Variants in COL4A1 observed in about 807,000 individuals in gnomAD.
The protein encoded by COL4A1 is collagen alpha-1(IV) chain.
In COL4A1, 40 loss-of-function variants were observed where a neutral mutation model predicts 216.6. The observed-to-expected ratio is 0.18, with a 90% CI of 0.14 to 0.24. The LOEUF (loss-of-function observed/expected upper bound fraction) is 0.24. Ranked by LOEUF, COL4A1 falls within the 10% of genes least tolerant of loss-of-function variation. The probability of loss-of-function intolerance (pLI) is 1.00; values close to 1 mark genes in which losing one functional copy is unlikely to be tolerated. For synonymous variants in COL4A1, 839 were observed against 810.7 expected, an observed-to-expected ratio of 1.03 and a Z score of -0.59; for missense variants, 1,628 against 2,196.8, an observed-to-expected ratio of 0.74 and a Z score of 5.18.
chr13:110,245,814 C>T (rs1881780728), intron 1 of COL4A1, among the ~76,000 whole-genome samples: 1 of 152,112 alleles, frequency 6.6e-6, no homozygotes, highest in African/African-American at 2.4e-5. Flanking sequence ...CCAGCCGGTG[C>T]CGGTGACAGG....
intron 1 of COL4A1, among the ~76,000 whole-genome samples, 164 bp downstream of exon 1, chr13:110,306,780 G>A (rs1430390611): frequency 6.6e-6 from 1 of 152,220 alleles, no homozygotes; most frequent in Non-Finnish European, 1.5e-5. Context: ...CGCGATCGTA[G>A]CCTACAGGGA....
intron 1 of COL4A1, among the ~76,000 whole-genome samples, chr13:110,304,540 G>T (rs1884610690): frequency 6.6e-6 from 1 of 152,200 alleles, no homozygotes; most frequent in Non-Finnish European, 1.5e-5. Context: ...AGTAGAGGGT[G>T]CTCACAATCA....
intron 23 of COL4A1, 92 bp from the exon 24 acceptor site, chr13:110,192,376 G>A: frequency 1.8e-6 from 2 of 1,142,742 alleles, no homozygotes; most frequent in South Asian, 1.3e-5. Context: ...ATAAAAATCT[G>A]TATAGGAAGT....
intron 46 of COL4A1, among the ~76,000 whole-genome samples, 190 bp from the exon 47 acceptor site, chr13:110,163,751 A>G (rs954274402): frequency 6.6e-6 from 1 of 152,012 alleles, no homozygotes; most frequent in Non-Finnish European, 1.5e-5. Flanking sequence ...AAGCAGCTGG[A>G]TATTCATAAG....
intron 40 of COL4A1, 74 bp from the exon 41 acceptor site, chr13:110,172,844 A>G (rs936715826): frequency 6.7e-6 from 8 of 1,200,544 alleles, no homozygotes; most frequent in Non-Finnish European, 1.0e-5. Context: ...ACAAAGCACT[A>G]TCAACTCTGC....
At chr13:110,196,823 G>A (rs564721183) in intron 21 of COL4A1, among the ~76,000 whole-genome samples, 8 of 152,320 alleles carry the variant, frequency 5.3e-5, no homozygotes, top group Non-Finnish European at 8.8e-5. Context: ...GCTGCATTGT[G>A]TGGTTAATGC....
intron 1 of COL4A1, among the ~76,000 whole-genome samples, chr13:110,257,938 A>T (rs1882651438): frequency 6.6e-6 from 1 of 152,274 alleles, no homozygotes. Flanking sequence ...TACATAAAAT[A>T]TGGAAAATAT....
At chr13:110,242,793 G>T in intron 1 of COL4A1, 59 bp from the exon 2 acceptor site, 1 of 1,566,868 alleles carries the variant, frequency 6.4e-7, no homozygotes, top group Non-Finnish European at 8.8e-7. Flanking sequence ...AGGGCACTAT[G>T]CAAATGGAGA....
At chr13:110,221,542 C>CA (rs986854898) in intron 2 of COL4A1, among the ~76,000 whole-genome samples, 5 of 151,698 alleles carry the variant, frequency 3.3e-5, no homozygotes, top group South Asian at 4.2e-4. Context: ...TACTGGCAGC[C>CA]AAAAAAAATC....
chr13:110,154,209 G>A (rs1431631597), intron 50 of COL4A1, among the ~76,000 whole-genome samples: 1 of 152,188 alleles, frequency 6.6e-6, no homozygotes, highest in Non-Finnish European at 1.5e-5. Context: ...ACTGGGAATT[G>A]GCAAATTCCG....
At chr13:110,236,706 G>A (rs1045493194) in intron 2 of COL4A1, among the ~76,000 whole-genome samples, 18 of 152,324 alleles carry the variant, frequency 1.2e-4, no homozygotes, top group African/African-American at 3.6e-4. Context: ...CAGGATTTCC[G>A]AAAGGCAGGG....
intron 2 of COL4A1, among the ~76,000 whole-genome samples, chr13:110,241,255 C>G (rs1269663536): frequency 6.6e-6 from 1 of 152,164 alleles, no homozygotes; most frequent in Non-Finnish European, 1.5e-5. Flanking sequence ...CAAGGCCTGC[C>G]GGCTGGACAG....
intron 49 of COL4A1, 142 bp from the exon 50 acceptor site, chr13:110,155,539 A>G (rs1475871830): frequency 2.8e-6 from 2 of 713,184 alleles, no homozygotes; most frequent in Non-Finnish European, 5.1e-6. Flanking sequence ...CATTGTGCCC[A>G]TTGCTTAGAC....
At chr13:110,150,476 C>T in intron 51 of COL4A1, 32 bp from the exon 52 acceptor site, 2 of 1,599,840 alleles carry the variant, frequency 1.3e-6, no homozygotes, top group Non-Finnish European at 1.7e-6. Flanking sequence ...GACCATTGGC[C>T]ATCATCTCAC....
At chr13:110,178,016 G>A in intron 32 of COL4A1, 48 bp downstream of exon 32, 1 of 1,613,838 alleles carries the variant, frequency 6.2e-7, no homozygotes, top group Non-Finnish European at 8.5e-7. Flanking sequence ...ATAAGGTGAG[G>A]CCCATGTCTT....
chr13:110,193,097 C>T (rs556717342), intron 22 of COL4A1, among the ~76,000 whole-genome samples, 184 bp from the exon 23 acceptor site: 2 of 152,332 alleles, frequency 1.3e-5, no homozygotes, highest in African/African-American at 4.8e-5. Flanking sequence ...GTCAAACGCA[C>T]GTCCCTGTCT....
intron 21 of COL4A1, among the ~76,000 whole-genome samples, chr13:110,198,169 A>G (rs1878994431): frequency 6.6e-6 from 1 of 151,692 alleles, no homozygotes; most frequent in Non-Finnish European, 1.5e-5. Context: ...TCTGTTTTCA[A>G]TAAAAATTAC....
intron 1 of COL4A1, among the ~76,000 whole-genome samples, chr13:110,266,914 A>G (rs560693848): frequency 4.3e-4 from 66 of 152,346 alleles, no homozygotes; most frequent in African/African-American, 1.5e-3. Flanking sequence ...ACTTTTCTAG[A>G]AATTTAATTT....
In COL4A1 at chr13:110,207,039, T is replaced by C. The variant is rs1879552300; in HGVS notation, c.781-148A>G. ...GTTGATCTCCAGCACTCACTTGACA[T>C]TGACTGGTATAAATGTAAGCAGGGC... On this transcript the variant is annotated intron_variant, in intron 13 of 51. Transcript: ENST00000375820. The surrounding 1 kb of genome is among the most constrained non-coding windows in gnomAD (Gnocchi z 4.4). The C allele has an allele frequency of 2.3e-6, 2 of 874,744 alleles. No homozygotes were observed. The highest frequency in any genetic ancestry group is 3.7e-6 in the Non-Finnish European group (2 of 544,452). 54.2% of individuals were successfully genotyped at this position (874,744 alleles called of 1,614,324 possible).
Sources: gnomAD v4.1 joint callset for allele counts (sites outside exome capture counted in the v4.1 genomes callset) on GRCh38, gnomAD v4.1.1 for gene constraint, Gnocchi (gnomAD v3.1) non-coding constraint, MANE v1.5 for transcripts, NCBI Gene and HGNC (gene_info 2026-07-23, HGNC 2026-07-21) for gene names.